The following RALYL variants were observed in gnomAD, a reference collection of about 807,000 sequenced individuals.
The protein encoded by RALYL is RALY RNA binding protein like.
In RALYL, 29 loss-of-function variants were observed where a neutral mutation model predicts 35.1. The observed-to-expected ratio is 0.83, with a 90% CI of 0.61 to 1.13. The LOEUF (loss-of-function observed/expected upper bound fraction) is 1.13. Ranked by LOEUF, RALYL falls within the 50% of genes most tolerant of loss-of-function variation. The pLI is 0.00. For synonymous variants in RALYL, 120 were observed against 127.6 expected, an observed-to-expected ratio of 0.94 and a Z score of 0.40; for missense variants, 359 against 360.4, an observed-to-expected ratio of 1.00 and a Z score of 0.03.
At chr8:84,751,840 T>C (rs775308526) in intron 2 of RALYL, among the ~76,000 whole-genome samples, 2 of 152,050 alleles carry the variant, frequency 1.3e-5, no homozygotes, top group Non-Finnish European at 2.9e-5. Context: ...TGTGGAACCA[T>C]GAGCCAATTA....
intron 8 of RALYL, among the ~76,000 whole-genome samples, chr8:84,904,270 GA>G (rs1473172245): frequency 1.3e-5 from 2 of 152,146 alleles, no homozygotes; most frequent in African/African-American, 4.8e-5. Context: ...TAGATGATAT[GA>G]TAGATATTGT....
intron 2 of RALYL, among the ~76,000 whole-genome samples, chr8:84,668,639 C>T (rs186478860): frequency 1.1e-4 from 17 of 152,016 alleles, no homozygotes; most frequent in Non-Finnish European, 2.5e-4. Context: ...AATAGAGAGG[C>T]ATATATTATG....
intron 1 of RALYL, among the ~76,000 whole-genome samples, chr8:84,362,103 G>A (rs1336229334): frequency 6.6e-6 from 1 of 152,088 alleles, no homozygotes; most frequent in East Asian, 1.9e-4. Flanking sequence ...AGTGGGTAGT[G>A]GAGTGTTCTT....
chr8:84,503,130 A>G (rs912212556), intron 1 of RALYL, among the ~76,000 whole-genome samples: 15 of 151,976 alleles, frequency 9.9e-5, no homozygotes, highest in African/African-American at 3.1e-4. Flanking sequence ...AAAGGCAAAA[A>G]GGGCCTCACT....
intron 1 of RALYL, among the ~76,000 whole-genome samples, chr8:84,526,755 A>G (rs551139450): frequency 9.9e-5 from 15 of 152,266 alleles, no homozygotes; most frequent in African/African-American, 3.4e-4. Flanking sequence ...TCAGTTTGCA[A>G]TATCTTCCCC....
intron 1 of RALYL, among the ~76,000 whole-genome samples, chr8:84,482,954 A>G (rs2054206224): frequency 6.6e-6 from 1 of 152,136 alleles, no homozygotes; most frequent in South Asian, 2.1e-4. Flanking sequence ...ATTGTTAGAT[A>G]CAGAATATAA....
At chr8:84,865,187 T>C (rs1275725008) in intron 6 of RALYL, among the ~76,000 whole-genome samples, 1 of 152,150 alleles carries the variant, frequency 6.6e-6, no homozygotes, top group African/African-American at 2.4e-5. Flanking sequence ...ATTAGGTTGG[T>C]TTCTGGAAAT....
chr8:84,862,355 G>C lies in RALYL; in HGVS notation c.473G>C (p.Arg158Pro). 1 of 1,606,472 alleles carries C rather than the reference G, an allele frequency of 6.2e-7. No individual in the cohort carries two copies. Residue 158 changes from arginine (R) to proline (P), a missense_variant, in exon 6 of 9, where the codon CGT becomes CCT. By Grantham distance (103) the Arg-to-Pro change is moderately radical. Coordinates refer to ENST00000521268, the MANE Select transcript of RALYL (RefSeq NM_173848.7). ...PPPRAVIPLKRPRVAVTTTRR... is the reference protein window; with the variant it reads ...PPPRAVIPLKPPRVAVTTTRR... ...CCCCGTGCAGTAATTCCGCTGAAGC[G>C]TCCCAGAGTGGCAGTCACAACGACT... is the stretch of plus-strand genomic sequence containing the variant.
At chr8:84,544,974 C>A (rs544454926) in intron 2 of RALYL, among the ~76,000 whole-genome samples, 1 of 151,860 alleles carries the variant, frequency 6.6e-6, no homozygotes, top group East Asian at 1.9e-4. Flanking sequence ...TAATTAAATT[C>A]ATTAACCTTT....
intron 2 of RALYL, among the ~76,000 whole-genome samples, chr8:84,724,472 AG>A (rs543441332): frequency 1.8e-3 from 273 of 151,956 alleles, no homozygotes; most frequent in African/African-American, 6.4e-3. Flanking sequence ...AAATATTCAA[AG>A]CTCTTGACCT....
At chr8:84,732,683 T>TATATATATACACACACACAC in intron 2 of RALYL, among the ~76,000 whole-genome samples, 6 of 133,252 alleles carry the variant, frequency 4.5e-5, no homozygotes, top group African/African-American at 1.5e-4. Flanking sequence ...TATATATATA[T>TATATATATACACACACACAC]ACACACACAC....
At chr8:84,374,954 A>C (rs142456308) in intron 1 of RALYL, among the ~76,000 whole-genome samples, 140 of 151,946 alleles carry the variant, frequency 9.2e-4, no homozygotes, top group African/African-American at 3.1e-3. Context: ...GTTCTAACCA[A>C]CCAACTTCCT....
chr8:84,569,231 G>A (rs1807303039), intron 2 of RALYL, among the ~76,000 whole-genome samples: 1 of 151,904 alleles, frequency 6.6e-6, no homozygotes. Flanking sequence ...TGTATAAGGT[G>A]TAAGGAAGGG....
At chr8:84,291,521 A>G (rs929599319) in intron 1 of RALYL, among the ~76,000 whole-genome samples, 3 of 152,310 alleles carry the variant, frequency 2.0e-5, no homozygotes, top group African/African-American at 7.2e-5. Context: ...GGAAATATTA[A>G]TGGTCAAAAG....
At chr8:84,499,024 C>A (rs2056384769) in intron 1 of RALYL, among the ~76,000 whole-genome samples, 1 of 151,346 alleles carries the variant, frequency 6.6e-6, no homozygotes, top group Admixed American at 6.6e-5. Flanking sequence ...CTATAAAATA[C>A]CCACTGGGGG....
intron 2 of RALYL, among the ~76,000 whole-genome samples, chr8:84,585,769 A>G (rs1210933831): frequency 6.6e-6 from 1 of 152,154 alleles, no homozygotes; most frequent in East Asian, 1.9e-4. Context: ...CAAAAGGAGA[A>G]ACAAAAAATG....
intron 2 of RALYL, among the ~76,000 whole-genome samples, chr8:84,673,059 G>A (rs565247639): frequency 4.6e-5 from 7 of 152,216 alleles, no homozygotes; most frequent in African/African-American, 1.7e-4. Context: ...CTTTTTAATA[G>A]TAGTTATTCT....
At chr8:84,327,762 G>A (rs1846084610) in intron 1 of RALYL, among the ~76,000 whole-genome samples, 2 of 151,834 alleles carry the variant, frequency 1.3e-5, no homozygotes, top group South Asian at 4.1e-4. Context: ...TTCATTAATG[G>A]GAGTTCTTTT....
chr8:84,812,151 C>A (rs1175775298), intron 4 of RALYL, among the ~76,000 whole-genome samples: 1 of 152,144 alleles, frequency 6.6e-6, no homozygotes, highest in Admixed American at 6.5e-5. Context: ...AGGTCTAGGG[C>A]TGAAGGCTGT....
Sources: gnomAD v4.1 joint callset for allele counts (sites outside exome capture counted in the v4.1 genomes callset) on GRCh38, gnomAD v4.1.1 for gene constraint, MANE v1.5 for transcripts, NCBI Gene and HGNC (gene_info 2026-07-23, HGNC 2026-07-21) for gene names.